ADCY2: variants seen among roughly 807,000 people sequenced by gnomAD.
ADCY2 encodes adenylate cyclase type 2.
In ADCY2, 31 loss-of-function variants were observed where a neutral mutation model predicts 125.2. The ratio of observed to expected loss-of-function variants is 0.25; its 90% confidence interval spans 0.19 to 0.33. The LOEUF is 0.33. ADCY2 is among the 10% of genes least tolerant of loss of function. ADCY2 has a pLI of 1.00. For synonymous variants in ADCY2, 512 were observed against 548.4 expected (o/e 0.93, Z 0.93); for missense variants, 904 against 1,418.2 (o/e 0.64, Z 5.82).
intron 21 of ADCY2, among the ~76,000 whole-genome samples, chr5:7,803,215 C>T (rs1192980118): frequency 4.6e-5 from 7 of 152,140 alleles, no homozygotes; most frequent in Non-Finnish European, 7.3e-5. Context: ...TGACAAATAG[C>T]GGCTGGGGGT....
rs572229247 is a variant in ADCY2, at chr5:7,569,285, G to T, written c.570+48386G>T. On this transcript the variant is annotated intron_variant, in intron 3 of 24. Transcript: ENST00000338316. Reference sequence around the variant, plus strand: ...CTGGATAACAGAGAGATCTAAGAATGCAGGTGTGTTCAGGAATCTCACACC... The same window carrying T: ...CTGGATAACAGAGAGATCTAAGAATTCAGGTGTGTTCAGGAATCTCACACC... Among the ~76,000 whole-genome samples, 11 of 152,266 alleles carry T rather than the reference G, an allele frequency of 7.2e-5. No individual in the cohort carries two copies. In the South Asian group the frequency reaches 2.3e-3, roughly 32 times the overall value.
intron 4 of ADCY2, among the ~76,000 whole-genome samples, chr5:7,690,227 A>G (rs1436176271): frequency 6.6e-6 from 1 of 152,200 alleles, no homozygotes; most frequent in Non-Finnish European, 1.5e-5. Flanking sequence ...CTTTGGAAGT[A>G]TATATCTTAT....
intron 7 of ADCY2, among the ~76,000 whole-genome samples, chr5:7,706,503 T>C (rs900258766): frequency 6.6e-6 from 1 of 152,206 alleles, no homozygotes; most frequent in Non-Finnish European, 1.5e-5. Context: ...GCCAAAACGT[T>C]TTGTCATCAC....
intron 3 of ADCY2, among the ~76,000 whole-genome samples, chr5:7,624,085 A>T (rs554289022): frequency 1.3e-5 from 2 of 152,212 alleles, no homozygotes; most frequent in African/African-American, 2.4e-5. Context: ...TCTAATCTGC[A>T]TCATTCTGGA....
intron 4 of ADCY2, among the ~76,000 whole-genome samples, chr5:7,674,884 G>C (rs146897427): frequency 6.6e-6 from 1 of 152,116 alleles, no homozygotes; most frequent in Non-Finnish European, 1.5e-5. Context: ...GGCTGGGCGC[G>C]GTGGCTCACG....
intron 3 of ADCY2, among the ~76,000 whole-genome samples, chr5:7,556,974 A>G (rs112615946): frequency 2.0e-5 from 3 of 152,212 alleles, no homozygotes; most frequent in African/African-American, 7.2e-5. Flanking sequence ...CACCAACTAC[A>G]AAGAAACGAT....
intron 2 of ADCY2, among the ~76,000 whole-genome samples, chr5:7,425,679 A>G (rs149410054): frequency 9.2e-5 from 14 of 152,372 alleles, no homozygotes; most frequent in African/African-American, 3.1e-4. Flanking sequence ...TTTTCACTCA[A>G]GTCGTAAAGG....
At chr5:7,727,349 A>G (rs1741963679) in intron 14 of ADCY2, 88 bp downstream of exon 14, 2 of 1,120,628 alleles carry the variant, frequency 1.8e-6, no homozygotes, top group East Asian at 2.4e-5. Context: ...AAAGGATGCT[A>G]ATGTTTAGAC....
chr5:7,439,538 A>G (rs1740929661), intron 2 of ADCY2, among the ~76,000 whole-genome samples: 1 of 148,138 alleles, frequency 6.8e-6, no homozygotes, highest in African/African-American at 2.5e-5. Context: ...ATACACACAC[A>G]CACACACACA....
intron 3 of ADCY2, among the ~76,000 whole-genome samples, chr5:7,545,742 G>A (rs781414879): frequency 6.6e-6 from 1 of 152,100 alleles, no homozygotes; most frequent in Admixed American, 6.6e-5. Context: ...GCATGCGGTC[G>A]GTGGGTTACA....
intron 7 of ADCY2, among the ~76,000 whole-genome samples, chr5:7,702,585 C>A (rs1263071082): frequency 6.6e-6 from 1 of 152,148 alleles, no homozygotes; most frequent in Non-Finnish European, 1.5e-5. Context: ...GCATAGTATT[C>A]CATGGTGTAT....
chr5:7,673,571 C>T (rs1248584328), intron 4 of ADCY2, among the ~76,000 whole-genome samples: 4 of 152,152 alleles, frequency 2.6e-5, no homozygotes, highest in African/African-American at 9.7e-5. Flanking sequence ...AGGGTCCACC[C>T]TGTGCCCTGC....
intron 2 of ADCY2, among the ~76,000 whole-genome samples, chr5:7,505,023 G>A (rs758062946): frequency 1.3e-5 from 2 of 151,626 alleles, no homozygotes; most frequent in African/African-American, 2.4e-5. Flanking sequence ...GACCACAGGC[G>A]CACACCACCA....
At chr5:7,478,352 G>A (rs917465099) in intron 2 of ADCY2, among the ~76,000 whole-genome samples, 4 of 152,180 alleles carry the variant, frequency 2.6e-5, no homozygotes, top group African/African-American at 9.7e-5. Flanking sequence ...AGCATATGAG[G>A]AAATGTTATT....
chr5:7,624,107 T>C (rs1448796208), intron 3 of ADCY2, among the ~76,000 whole-genome samples: 2 of 152,198 alleles, frequency 1.3e-5, no homozygotes, highest in Non-Finnish European at 2.9e-5. Context: ...CCCACTTCTA[T>C]TGTGCATTTG....
chr5:7,802,102 TAG>T lies in ADCY2; in HGVS notation c.2629-115_2629-114del, dbSNP rs1447394663. ...CGCGGCTGGGGTGGGGCAAGTGGAG[TAG>T]GCATTTGGGCGATGTCTGTGTGAAT... On this transcript the variant is annotated intron_variant, in intron 20 of 24. Coordinates refer to ENST00000338316, the MANE Select transcript of ADCY2 (RefSeq NM_020546.3). This position sits in a 1 kb window ranked among gnomAD's most constrained non-coding sequence, Gnocchi z 4.6. 2.3e-5 allele frequency: 28 copies of T among 1,204,946 alleles called. No homozygotes were observed. The highest frequency in any genetic ancestry group is 2.9e-4 in the Middle Eastern group (1 of 3,448). The allele number at this position is 1,204,946 out of a possible 1,614,324, so 74.6% of individuals were successfully genotyped here.
intron 2 of ADCY2, among the ~76,000 whole-genome samples, chr5:7,458,545 G>T (rs1561037129): frequency 6.6e-6 from 1 of 152,030 alleles, no homozygotes; most frequent in Non-Finnish European, 1.5e-5. Context: ...TTGTCAGTCT[G>T]CTCTGAACTT....
intron 4 of ADCY2, among the ~76,000 whole-genome samples, chr5:7,666,084 C>T (rs950142477): frequency 2.1e-4 from 32 of 151,422 alleles, no homozygotes; most frequent in Non-Finnish European, 3.7e-4. Context: ...GTGATCCGCC[C>T]GCCTTGGCCT....
chr5:7,795,114 G>T (rs73737632), intron 20 of ADCY2: 17,583 of 152,140 alleles, frequency 0.12, 2,563 homozygotes, highest in African/African-American at 0.34. Context: ...GACCTCCTGG[G>T]CCCTGAGAGG....
Sources: allele counts gnomAD v4.1 joint callset (sites outside exome capture counted in the v4.1 genomes callset), GRCh38; gene constraint gnomAD v4.1.1; non-coding constraint Gnocchi (gnomAD v3.1); transcripts MANE v1.5; gene names NCBI Gene and HGNC (gene_info 2026-07-23, HGNC 2026-07-21).